Variants in RBFOX2 observed in about 807,000 individuals in gnomAD.
RBFOX2 encodes the protein RNA binding fox-1 homolog 2.
A neutral mutation model predicts 49.1 loss-of-function variants in RBFOX2; 10 were observed. The observed-to-expected ratio is 0.20, with a 90% CI of 0.13 to 0.35. The LOEUF is 0.35. Ranked by LOEUF, RBFOX2 falls within the 10% of genes least tolerant of loss-of-function variation. RBFOX2 has a pLI of 1.00. For missense variants in RBFOX2, 323 were observed against 486.9 expected, an observed-to-expected ratio of 0.66 and a Z score of 3.17; for synonymous variants, 183 against 187.4, an observed-to-expected ratio of 0.98 and a Z score of 0.19.
intron 1 of RBFOX2, among the ~76,000 whole-genome samples, chr22:36,015,930 T>G (rs544739071): frequency 1.3e-4 from 20 of 152,262 alleles, no homozygotes; most frequent in African/African-American, 4.8e-4. Context: ...AGAGGATGAA[T>G]TATGAAACTA....
chr22:35,876,713 C>CAT (rs1243751483), intron 1 of RBFOX2, among the ~76,000 whole-genome samples: 2 of 150,208 alleles, frequency 1.3e-5, no homozygotes, highest in Non-Finnish European at 3.0e-5. Context: ...CACACACACA[C>CAT]ACACACACAC....
At chr22:36,028,183 GT>G in intron 1 of RBFOX2, 56 bp downstream of exon 1, 1 of 1,407,336 alleles carries the variant, frequency 7.1e-7, no homozygotes, top group Non-Finnish European at 9.2e-7. Context: ...GGGGAGCCCG[GT>G]GTCGACCCTC....
At chr22:35,940,960 T>A (rs545015632), upstream of RBFOX2, among the ~76,000 whole-genome samples, 155 of 152,296 alleles carry the variant, frequency 1.0e-3, no homozygotes, top group Middle Eastern at 6.8e-3. Flanking sequence ...CTACCAGGTT[T>A]ATCTGGAGGG....
intron 1 of RBFOX2, among the ~76,000 whole-genome samples, chr22:35,827,236 G>A (rs758187162): frequency 3.9e-5 from 6 of 152,094 alleles, no homozygotes; most frequent in African/African-American, 7.2e-5. Flanking sequence ...TTCACAGTCC[G>A]GAGTGCCCCT....
At chr22:35,963,234 GA>G (rs1386789062), upstream of RBFOX2, among the ~76,000 whole-genome samples, 2 of 152,054 alleles carry the variant, frequency 1.3e-5, no homozygotes, top group Non-Finnish European at 2.9e-5. Flanking sequence ...AACTGTTGTG[GA>G]AAACAGCAAA....
chr22:35,755,378 A>G lies in RBFOX2; in HGVS notation c.887+4510T>C, dbSNP rs1569248575. On this transcript the variant is annotated intron_variant, in intron 9 of 11. Transcript: ENST00000405409. ...CAATCATGGAACTTTAGTGATAGCTAGACAGTTTAAATAATGGAGTCCATA... is the reference window on the plus strand; with the variant it reads ...CAATCATGGAACTTTAGTGATAGCTGGACAGTTTAAATAATGGAGTCCATA... 2.6e-5 allele frequency among the ~76,000 whole-genome samples: 4 copies of G among 152,224 alleles called. No individual in the cohort carries two copies. In the South Asian group the frequency reaches 6.2e-4, roughly 24 times the overall value.
intron 1 of RBFOX2, among the ~76,000 whole-genome samples, chr22:35,863,569 T>G (rs1355832352): frequency 2.0e-5 from 3 of 152,136 alleles, no homozygotes; most frequent in Non-Finnish European, 4.4e-5. Flanking sequence ...CAGCTGCACC[T>G]GACTCTCATA....
At chr22:35,969,099 T>A (rs1484845620) in intron 1 of RBFOX2, among the ~76,000 whole-genome samples, 4 of 152,106 alleles carry the variant, frequency 2.6e-5, no homozygotes, top group African/African-American at 7.2e-5. Context: ...TAAAGTGAAG[T>A]GGGGTCTCAA....
chr22:35,888,640 G>A (rs2046888180), intron 1 of RBFOX2, among the ~76,000 whole-genome samples: 1 of 152,180 alleles, frequency 6.6e-6, no homozygotes. Flanking sequence ...GGCAGAAAGG[G>A]AAGAGGGGTT....
In RBFOX2 at chr22:35,821,602, CAAAAAAAAA is replaced by C. The variant is rs1158936385; in HGVS notation, c.28-11607_28-11599del. ...GGGGGACAGAGTGAGACTCCGTCTCCAAAAAAAAAAAAAAAAAAAAAAAAAAAAAGCAGT... is the reference window on the plus strand; with the variant it reads ...GGGGGACAGAGTGAGACTCCGTCTCCAAAAAAAAAAAAAAAAAAAAGCAGT... On this transcript the variant is annotated intron_variant, in intron 1 of 11. Coordinates refer to ENST00000405409, the Ensembl canonical transcript of RBFOX2. Among the ~76,000 whole-genome samples the C allele has an allele frequency of 3.0e-3, 110 of 36,440 alleles. 1 individual carries two copies. Among genetic ancestry groups the C allele is most frequent in the African/African-American group, 6.2e-3 (96 of 15,408 alleles). The allele number at this position is 36,440 out of a possible 152,430, so 23.9% of individuals were successfully genotyped here.
At chr22:35,763,352 A>G (rs1939655160) in intron 6 of RBFOX2, among the ~76,000 whole-genome samples, 1 of 152,194 alleles carries the variant, frequency 6.6e-6, no homozygotes, top group African/African-American at 2.4e-5. Flanking sequence ...ACCTGAGTCT[A>G]GGAGCTCGAG....
At chr22:36,020,928 T>C (rs1294562468) in intron 1 of RBFOX2, among the ~76,000 whole-genome samples, 1 of 152,244 alleles carries the variant, frequency 6.6e-6, no homozygotes, top group Admixed American at 6.5e-5. Flanking sequence ...ATCATGCTGC[T>C]ATAAAGACAC....
rs6000003 is a variant in RBFOX2 at position 35,782,386 on chromosome 22, A to G, written c.253-640T>C. On this transcript the variant is annotated intron_variant, in intron 2 of 11. Coordinates refer to ENST00000405409, the Ensembl canonical transcript of RBFOX2. ...GCCCAGGCTCGAGTGCAGTGGTGCA[A>G]TCTCGGGTCACTGCAAGCTCCACTT... Among the ~76,000 whole-genome samples the G allele has an allele frequency of 1.1e-4, 17 of 152,218 alleles. 1 individual carries two copies. The highest frequency in any genetic ancestry group is 4.1e-4 in the African/African-American group (17 of 41,536).
At chr22:35,900,177 G>T (rs1207244397) in intron 1 of RBFOX2, among the ~76,000 whole-genome samples, 1 of 152,134 alleles carries the variant, frequency 6.6e-6, no homozygotes, top group Non-Finnish European at 1.5e-5. Flanking sequence ...GCAGTGGCAT[G>T]ATCTCGGCTC....
At position 35,884,387 on chromosome 22, in the gene RBFOX2, G is replaced by GC. The variant is rs1385436922; in HGVS notation, c.-34+54459dup. Among the ~76,000 whole-genome samples the GC allele has an allele frequency of 2.0e-5, 3 of 152,140 alleles. No homozygotes were observed. In the East Asian group the frequency reaches 5.8e-4, roughly 29 times the overall value. ...TCAGTTTATGTGGATCAGAAATCCA[G>GC]CTGGGTAAGCTAAGTGCTTCTGGTT... On this transcript the variant is annotated intron_variant, in intron 1 of 13. Coordinates refer to the RBFOX2 transcript ENST00000359369.
At chr22:35,978,794 G>GT (rs2057320761) in intron 1 of RBFOX2, among the ~76,000 whole-genome samples, 1 of 152,162 alleles carries the variant, frequency 6.6e-6, no homozygotes. Context: ...GAAAGTCTTT[G>GT]TAACAGAATG....
intron 1 of RBFOX2, among the ~76,000 whole-genome samples, chr22:35,827,328 T>C (rs1272642525): frequency 6.6e-6 from 1 of 152,166 alleles, no homozygotes; most frequent in Non-Finnish European, 1.5e-5. Flanking sequence ...GGGCAGGTAA[T>C]ACATAGGAAA....
intron 2 of RBFOX2, among the ~76,000 whole-genome samples, chr22:35,782,758 C>T (rs1172211574): frequency 6.6e-6 from 1 of 152,196 alleles, no homozygotes; most frequent in Non-Finnish European, 1.5e-5. Flanking sequence ...TTGGAAAAGG[C>T]TTTAGAGACC....
At chr22:35,904,528 T>G (rs1019599414) in intron 1 of RBFOX2, among the ~76,000 whole-genome samples, 2 of 152,184 alleles carry the variant, frequency 1.3e-5, no homozygotes, top group African/African-American at 4.8e-5. Flanking sequence ...CCAAAAGGAC[T>G]CACAGCTTTG....
Sources: gnomAD v4.1 joint callset for allele counts (sites outside exome capture counted in the v4.1 genomes callset) on GRCh38, gnomAD v4.1.1 for gene constraint, MANE v1.5 for transcripts, NCBI Gene and HGNC (gene_info 2026-07-23, HGNC 2026-07-21) for gene names.